The following PTPRM variants were observed in gnomAD, a reference collection of about 807,000 sequenced individuals.
PTPRM encodes the protein protein tyrosine phosphatase receptor type M.
Under a neutral mutation model 186.7 loss-of-function variants are expected in PTPRM, and 47 were observed. That is an observed-to-expected ratio of 0.25 (90% CI 0.20 to 0.32). PTPRM has a LOEUF of 0.32. PTPRM is among the 10% of genes least tolerant of loss of function. PTPRM has a pLI of 1.00. For synonymous variants in PTPRM, 668 were observed against 674.9 expected, an observed-to-expected ratio of 0.99 and a Z score of 0.16; for missense variants, 1,494 against 1,865.0, an observed-to-expected ratio of 0.80 and a Z score of 3.66.
At chr18:8,101,779 C>T (rs2091301711) in intron 11 of PTPRM, among the ~76,000 whole-genome samples, 1 of 152,170 alleles carries the variant, frequency 6.6e-6, no homozygotes, top group Admixed American at 6.5e-5. Flanking sequence ...GACCTTGCCT[C>T]CTCCTGGGAG....
intron 19 of PTPRM, among the ~76,000 whole-genome samples, chr18:8,280,592 T>C (rs368310786): frequency 2.0e-5 from 3 of 152,256 alleles, no homozygotes; most frequent in East Asian, 3.9e-4. Context: ...AAGGCACATG[T>C]GGCTATTTAA....
At chr18:8,240,777 G>GGAGGGAGAGAGAGAGAGAGAGAGAGA (rs2094420075) in intron 14 of PTPRM, among the ~76,000 whole-genome samples, 2 of 57,364 alleles carry the variant, frequency 3.5e-5, no homozygotes, top group Non-Finnish European at 6.7e-5. Context: ...AGAGAGAGAG[G>GGAGGGAGAGAGAGAGAGAGAGAGAGA]GAGAGAGAGA....
chr18:8,304,177 G>A (rs2095193484), intron 20 of PTPRM, among the ~76,000 whole-genome samples: 1 of 152,172 alleles, frequency 6.6e-6, no homozygotes, highest in Non-Finnish European at 1.5e-5. Flanking sequence ...AGTTAAAACT[G>A]CATGACTATT....
At chr18:8,367,875 A>G (rs148100668) in intron 23 of PTPRM, among the ~76,000 whole-genome samples, 127 of 152,368 alleles carry the variant, frequency 8.3e-4, no homozygotes, top group Middle Eastern at 3.4e-3. Context: ...CTAGGTGACC[A>G]TCCAAAATAT....
intron 20 of PTPRM, among the ~76,000 whole-genome samples, chr18:8,306,447 C>T (rs2095222776): frequency 6.6e-6 from 1 of 152,134 alleles, no homozygotes; most frequent in Non-Finnish European, 1.5e-5. Flanking sequence ...TGTGAAATGG[C>T]TTTGGAATAA....
At position 8,288,438 on chromosome 18, in the gene PTPRM, C is replaced by T. The variant is rs138009081; in HGVS notation, c.2755-7930C>T. 6.8e-4 allele frequency among the ~76,000 whole-genome samples: 104 copies of T among 152,214 alleles called. 1 individual carries two copies. Among genetic ancestry groups the T allele is most frequent in the Middle Eastern group, 3.4e-3 (1 of 292 alleles). On this transcript the variant is annotated intron_variant, in intron 19 of 32. Coordinates refer to ENST00000580170, the MANE Select transcript of PTPRM (RefSeq NM_001105244.2). ...AGGGAACAAAAGAAAAGAGTAGTGC[C>T]GGCCAAGAAAGGGTTGAATATCCCC...
chr18:7,594,369 A>G (rs1017064944), intron 1 of PTPRM, among the ~76,000 whole-genome samples: 5 of 151,844 alleles, frequency 3.3e-5, no homozygotes, highest in African/African-American at 1.2e-4. Flanking sequence ...AATCCTAGCT[A>G]CTGGGGAGGC....
intron 22 of PTPRM, among the ~76,000 whole-genome samples, chr18:8,323,516 GA>G (rs2095358248): frequency 6.6e-6 from 1 of 152,210 alleles, no homozygotes; most frequent in African/African-American, 2.4e-5. Context: ...CTGAGCTATA[GA>G]TTGTTGAGAT....
At chr18:8,207,117 CT>C (rs1320378596) in intron 14 of PTPRM, among the ~76,000 whole-genome samples, 1 of 152,132 alleles carries the variant, frequency 6.6e-6, no homozygotes, top group African/African-American at 2.4e-5. Context: ...ATTTAGGGTA[CT>C]TTTTACAGCA....
chr18:7,856,378 A>G (rs1599088815), intron 2 of PTPRM, among the ~76,000 whole-genome samples: 1 of 152,204 alleles, frequency 6.6e-6, no homozygotes, highest in African/African-American at 2.4e-5. Flanking sequence ...AGTAATGCCC[A>G]TGTCTGCATA....
At chr18:7,728,094 T>A (rs540666934) in intron 1 of PTPRM, among the ~76,000 whole-genome samples, 6 of 152,254 alleles carry the variant, frequency 3.9e-5, no homozygotes, top group African/African-American at 1.4e-4. Context: ...CTTCAAGTTT[T>A]ACTTATTTTT....
At chr18:8,195,207 G>T (rs932618760) in intron 14 of PTPRM, among the ~76,000 whole-genome samples, 1 of 147,388 alleles carries the variant, frequency 6.8e-6, no homozygotes, top group Non-Finnish European at 1.5e-5. Flanking sequence ...AGTTACAGAG[G>T]CCTTTCACAA....
chr18:8,185,542 A>T (rs2093631071), intron 14 of PTPRM, among the ~76,000 whole-genome samples: 1 of 152,208 alleles, frequency 6.6e-6, no homozygotes, highest in Non-Finnish European at 1.5e-5. Context: ...GTCACTAGAC[A>T]TTACCGTCTG....
At position 8,232,183 on chromosome 18, in the gene PTPRM, C is replaced by T. The variant is rs2094295482; in HGVS notation, c.2301-11875C>T. Among the ~76,000 whole-genome samples the T allele has an allele frequency of 2.0e-5, 3 of 152,332 alleles. No individual in the cohort carries two copies. The South Asian group carries it at 6.2e-4, about 32-fold the overall frequency. On this transcript the variant is annotated intron_variant, in intron 14 of 32. Transcript: ENST00000580170. ...GGAATAATAAAATATTAGGTCAGTG[C>T]AAAAGCAATTGCATTTTTTGCCATT...
In PTPRM at chr18:8,031,688, A is replaced by G. The variant is rs545628588; in HGVS notation, c.1133-37998A>G. The stretch of plus-strand genomic sequence containing the variant: ...AGAGGTAGCCACACCACCCCACTCA[A>G]AGGGACTCTGCCAAGTGTCCAGCAG... On this transcript the variant is annotated intron_variant, in intron 7 of 32. Coordinates refer to ENST00000580170, the MANE Select transcript of PTPRM (RefSeq NM_001105244.2). Among the ~76,000 whole-genome samples the G allele has an allele frequency of 1.2e-3, 179 of 152,290 alleles. 1 individual carries two copies. Among genetic ancestry groups the G allele is most frequent in the African/African-American group, 4.0e-3 (168 of 41,558 alleles).
At chr18:8,001,986 A>T (rs2083901847) in intron 7 of PTPRM, among the ~76,000 whole-genome samples, 1 of 152,198 alleles carries the variant, frequency 6.6e-6, no homozygotes. Context: ...TAATGCCATT[A>T]AGTTTCAGAA....
At chr18:7,913,706 T>C (rs1000487022) in intron 4 of PTPRM, among the ~76,000 whole-genome samples, 2 of 152,186 alleles carry the variant, frequency 1.3e-5, no homozygotes, top group Admixed American at 6.5e-5. Context: ...TGTTGGCATG[T>C]AGTAATGAAA....
At chr18:8,130,500 A>T (rs1363694453) in intron 13 of PTPRM, among the ~76,000 whole-genome samples, 1 of 152,226 alleles carries the variant, frequency 6.6e-6, no homozygotes, top group African/African-American at 2.4e-5. Flanking sequence ...TATTAGAAAG[A>T]TCAAAAGTCT....
chr18:7,729,563 AG>A (rs2040616189), intron 1 of PTPRM, among the ~76,000 whole-genome samples: 1 of 152,212 alleles, frequency 6.6e-6, no homozygotes, highest in Admixed American at 6.5e-5. Flanking sequence ...AGAAGAATAT[AG>A]TCAAGGTAGA....
Sources: allele counts gnomAD v4.1 joint callset (sites outside exome capture counted in the v4.1 genomes callset), GRCh38; gene constraint gnomAD v4.1.1; transcripts MANE v1.5; gene names NCBI Gene and HGNC (gene_info 2026-07-23, HGNC 2026-07-21).